RBFOX1: variants seen among roughly 807,000 people sequenced by gnomAD.
RBFOX1 encodes the protein RNA binding protein fox-1 homolog 1.
A neutral mutation model predicts 57.7 loss-of-function variants in RBFOX1; 8 were observed. That is an observed-to-expected ratio of 0.14 (90% CI 0.08 to 0.25). The LOEUF is 0.25. RBFOX1 is among the 10% of genes least tolerant of loss of function. The probability of loss-of-function intolerance (pLI) is 1.00; values close to 1 mark genes in which losing one functional copy is unlikely to be tolerated. For synonymous variants in RBFOX1, 326 were observed against 222.4 expected, an observed-to-expected ratio of 1.47 and a Z score of -4.15; for missense variants, 611 against 548.5, an observed-to-expected ratio of 1.11 and a Z score of -1.14.
chr16:6,780,398 T>TTATATATA (rs1555461281), intron 3 of RBFOX1, among the ~76,000 whole-genome samples: 32 of 79,890 alleles, frequency 4.0e-4, no homozygotes, highest in African/African-American at 1.5e-3. Context: ...TTATATATAT[T>TTATATATA]TTTATATATA....
At chr16:7,360,550 A>T (rs2097301234) in intron 4 of RBFOX1, among the ~76,000 whole-genome samples, 1 of 152,172 alleles carries the variant, frequency 6.6e-6, no homozygotes, top group South Asian at 2.1e-4. Flanking sequence ...GGGTGGCCTG[A>T]GGACCAAGCC....
At chr16:5,313,603 C>G (rs1596486868) in intron 1 of RBFOX1, among the ~76,000 whole-genome samples, 1 of 152,120 alleles carries the variant, frequency 6.6e-6, no homozygotes, top group East Asian at 1.9e-4. Flanking sequence ...GGGGAGGCCT[C>G]ACAGTCACGG....
intron 1 of RBFOX1, among the ~76,000 whole-genome samples, chr16:6,211,299 G>A (rs540309375): frequency 2.9e-5 from 4 of 135,954 alleles, no homozygotes; most frequent in Admixed American, 1.7e-4. Context: ...CACGATCTCC[G>A]CTCACTGCAA....
At chr16:7,272,962 C>T (rs1254458754) in intron 4 of RBFOX1, among the ~76,000 whole-genome samples, 2 of 131,702 alleles carry the variant, frequency 1.5e-5, no homozygotes, top group South Asian at 2.7e-4. Flanking sequence ...CTTCCTTTTC[C>T]TTCCTTCTTT....
chr16:5,898,134 G>A (rs1048690754), intron 4 of RBFOX1, among the ~76,000 whole-genome samples: 14 of 152,164 alleles, frequency 9.2e-5, no homozygotes, highest in Admixed American at 9.2e-4. Flanking sequence ...GGAAGGAGAA[G>A]TGTCAAGCAA....
intron 1 of RBFOX1, among the ~76,000 whole-genome samples, chr16:5,390,505 T>A (rs1596805753): frequency 6.6e-6 from 1 of 152,110 alleles, no homozygotes; most frequent in South Asian, 2.1e-4. Flanking sequence ...GCCAGGCTGG[T>A]CTCGAAGTCC....
intron 1 of RBFOX1, among the ~76,000 whole-genome samples, chr16:5,445,345 C>T (rs1244701063): frequency 6.6e-6 from 1 of 152,160 alleles, no homozygotes; most frequent in African/African-American, 2.4e-5. Flanking sequence ...CCATGTTCTA[C>T]AAACTCAACA....
intron 3 of RBFOX1, among the ~76,000 whole-genome samples, chr16:6,721,265 A>G (rs1392592450): frequency 6.6e-6 from 1 of 152,146 alleles, no homozygotes; most frequent in Non-Finnish European, 1.5e-5. Flanking sequence ...CAACATGGTA[A>G]AACCCTGTCT....
intron 1 of RBFOX1, among the ~76,000 whole-genome samples, chr16:5,412,611 G>A (rs1011346783): frequency 5.3e-5 from 8 of 152,160 alleles, no homozygotes; most frequent in Non-Finnish European, 8.8e-5. Context: ...GAGGGAGGTG[G>A]TCAGATGCGA....
chr16:5,568,007 C>G (rs921363245), intron 2 of RBFOX1, among the ~76,000 whole-genome samples: 1 of 152,204 alleles, frequency 6.6e-6, no homozygotes, highest in African/African-American at 2.4e-5. Context: ...AAACTCTGAA[C>G]TGATCTGCTC....
chr16:6,615,176 C>G (rs1168066516), intron 2 of RBFOX1, among the ~76,000 whole-genome samples: 4 of 152,152 alleles, frequency 2.6e-5, no homozygotes. Context: ...ATTTTTCCCT[C>G]TAGAAATGGC....
chr16:6,770,288 A>T (rs1263037011), intron 3 of RBFOX1, among the ~76,000 whole-genome samples: 1 of 152,188 alleles, frequency 6.6e-6, no homozygotes, highest in Non-Finnish European at 1.5e-5. Flanking sequence ...AAACTTGACC[A>T]AATCCAGTAG....
chr16:6,371,216 C>T (rs557888493), intron 2 of RBFOX1, among the ~76,000 whole-genome samples: 11 of 152,124 alleles, frequency 7.2e-5, no homozygotes, highest in African/African-American at 2.4e-4. Context: ...TTTAAAATAC[C>T]GATTTGTCAT....
chr16:6,685,719 C>T (rs761279923), intron 3 of RBFOX1, among the ~76,000 whole-genome samples: 1 of 152,148 alleles, frequency 6.6e-6, no homozygotes, highest in Admixed American at 6.5e-5. Context: ...CCTCATCACT[C>T]AAGAATACCA....
intron 2 of RBFOX1, among the ~76,000 whole-genome samples, chr16:6,639,898 C>T (rs2098473437): frequency 6.6e-6 from 1 of 151,864 alleles, no homozygotes; most frequent in African/African-American, 2.4e-5. Context: ...AAACAAAAAA[C>T]AAAACCAAAA....
At chr16:7,225,382 G>A (rs28450167) in intron 4 of RBFOX1, among the ~76,000 whole-genome samples, 7,517 of 152,146 alleles carry the variant, frequency 0.049, 222 homozygotes, top group African/African-American at 0.078. Flanking sequence ...TGATGGTTTT[G>A]TAAGGGGTTT....
intron 1 of RBFOX1, among the ~76,000 whole-genome samples, chr16:6,035,058 C>T (rs28417539): frequency 0.086 from 13,009 of 151,168 alleles, 1,780 homozygotes; most frequent in African/African-American, 0.29. Flanking sequence ...TGCAGGCTGT[C>T]CTGTACACTG....
chr16:6,969,302 A>G lies in RBFOX1; in HGVS notation c.-15-82755A>G, dbSNP rs142154601. ...CTTAGGCAGTTACTCAACGAATCCT[A>G]TTTAGTGCGGGGTCAGGATTAGGGT... On this transcript the variant is annotated intron_variant, in intron 3 of 15. Coordinates refer to ENST00000550418, the MANE Select transcript of RBFOX1 (RefSeq NM_018723.4). Among the ~76,000 whole-genome samples the G allele has an allele frequency of 6.1e-3, 926 of 152,280 alleles. 13 individuals carry two copies. Among genetic ancestry groups the G allele is most frequent in the African/African-American group, 0.021 (877 of 41,558 alleles).
chr16:6,231,567 T>C (rs989453093), intron 1 of RBFOX1, among the ~76,000 whole-genome samples: 4 of 152,198 alleles, frequency 2.6e-5, no homozygotes, highest in Non-Finnish European at 4.4e-5. Context: ...GCACTCTGCC[T>C]GTCCAGAATT....
Sources: allele counts gnomAD v4.1 joint callset (sites outside exome capture counted in the v4.1 genomes callset), GRCh38; gene constraint gnomAD v4.1.1; transcripts MANE v1.5; gene names NCBI Gene and HGNC (gene_info 2026-07-23, HGNC 2026-07-21).